The following ADARB2 variants were observed in gnomAD, a reference collection of about 807,000 sequenced individuals.
ADARB2 encodes the protein inactive double-stranded RNA-specific editase B2.
ADARB2 carries 25 observed loss-of-function variants against 62.2 expected under a neutral mutation model. The observed-to-expected ratio is 0.40, with a 90% confidence interval of 0.29 to 0.56. The LOEUF (loss-of-function observed/expected upper bound fraction) is 0.56. Among genes scored for constraint, ADARB2 ranks in the 20% least tolerant of loss-of-function variants. The probability of loss-of-function intolerance (pLI) is 0.43; values close to 1 mark genes in which losing one functional copy is unlikely to be tolerated. For missense variants in ADARB2, 1,071 were observed against 1,077.4 expected (o/e 0.99, Z 0.08); for synonymous variants, 572 against 500.8 (o/e 1.14, Z -1.90).
At position 1,398,875 on chromosome 10, in the gene ADARB2, G is replaced by A. The variant is rs902167061; in HGVS notation, c.101-19715C>T. 3.9e-5 allele frequency among the ~76,000 whole-genome samples: 6 copies of A among 152,122 alleles called. No individual in the cohort carries two copies. Among genetic ancestry groups the A allele is most frequent in the Admixed American group, 6.5e-5 (1 of 15,276 alleles). ...ACGAGGTTGCTGGGGGAAACAGACC[G>A]CTCTGTCTTTGGGGTCTTGATGGGT... On this transcript the variant is annotated intron_variant, in intron 1 of 9. Coordinates refer to ENST00000381312, the MANE Select transcript of ADARB2 (RefSeq NM_018702.4). This position sits in a 1 kb window ranked among gnomAD's most constrained non-coding sequence, Gnocchi z 4.1.
intron 1 of ADARB2, among the ~76,000 whole-genome samples, chr10:1,640,185 A>T (rs1449284460): frequency 6.6e-6 from 1 of 152,216 alleles, no homozygotes; most frequent in Admixed American, 6.5e-5. Context: ...AGTTTGTTAG[A>T]GATTGTACCG....
chr10:1,194,042 T>TA (rs1454424117), intron 8 of ADARB2, among the ~76,000 whole-genome samples: 2 of 152,266 alleles, frequency 1.3e-5, no homozygotes, highest in Admixed American at 6.5e-5. Context: ...CTGGAACTCT[T>TA]ATTACATGCA....
intron 1 of ADARB2, among the ~76,000 whole-genome samples, chr10:1,578,352 GTTAA>G (rs1406862740): frequency 1.3e-5 from 2 of 152,154 alleles, no homozygotes; most frequent in African/African-American, 4.8e-5. Flanking sequence ...ATGAGTTCAT[GTTAA>G]TTGTGACATT....
At chr10:1,491,529 T>G (rs898235782) in intron 1 of ADARB2, among the ~76,000 whole-genome samples, 5 of 152,214 alleles carry the variant, frequency 3.3e-5, no homozygotes, top group African/African-American at 1.2e-4. Flanking sequence ...TCTAGAGTCA[T>G]CCTGCCTGAC....
chr10:1,199,235 C>T (rs1472569526), intron 8 of ADARB2, among the ~76,000 whole-genome samples: 5 of 150,440 alleles, frequency 3.3e-5, no homozygotes, highest in Non-Finnish European at 1.5e-5. Context: ...TCCCGCTGTT[C>T]CTGTGAAAGG....
chr10:1,479,460 T>C (rs1427149185), intron 1 of ADARB2, among the ~76,000 whole-genome samples: 1 of 152,168 alleles, frequency 6.6e-6, no homozygotes, highest in East Asian at 1.9e-4. Flanking sequence ...GATGGAGTTT[T>C]GGTAGAGCAG....
At chr10:1,561,075 A>C (rs1287695244) in intron 1 of ADARB2, among the ~76,000 whole-genome samples, 2 of 152,270 alleles carry the variant, frequency 1.3e-5, no homozygotes, top group Non-Finnish European at 2.9e-5. Context: ...AGTAAAAAAC[A>C]CAAGTGAAAC....
At chr10:1,602,233 C>A (rs147659057) in intron 1 of ADARB2, among the ~76,000 whole-genome samples, 3 of 152,196 alleles carry the variant, frequency 2.0e-5, no homozygotes, top group Non-Finnish European at 4.4e-5. Context: ...ATGCACACCA[C>A]GGGTGGTCAG....
At chr10:1,547,388 G>C (rs1312122503) in intron 1 of ADARB2, among the ~76,000 whole-genome samples, 12 of 116,058 alleles carry the variant, frequency 1.0e-4, no homozygotes, top group African/African-American at 3.8e-4. Flanking sequence ...GTACTGTGTT[G>C]GGGGGAGAGG....
At chr10:1,560,828 T>C (rs1043938044) in intron 1 of ADARB2, among the ~76,000 whole-genome samples, 3 of 152,208 alleles carry the variant, frequency 2.0e-5, no homozygotes, top group African/African-American at 7.2e-5. Context: ...GCAGGGAGTT[T>C]GAAGACCTGC....
chr10:1,259,223 C>T (rs191941124), intron 4 of ADARB2, among the ~76,000 whole-genome samples: 1 of 152,314 alleles, frequency 6.6e-6, no homozygotes, highest in East Asian at 1.9e-4. Context: ...GGCACCCTAA[C>T]ATCACAGTGA....
intron 4 of ADARB2, among the ~76,000 whole-genome samples, chr10:1,264,996 G>C: frequency 6.6e-6 from 1 of 152,256 alleles, no homozygotes; most frequent in East Asian, 1.9e-4. Flanking sequence ...CTTTTTTCTA[G>C]TTATTAATAA....
intron 9 of ADARB2, among the ~76,000 whole-genome samples, chr10:1,183,816 T>A (rs1004604409): frequency 3.3e-5 from 5 of 151,922 alleles, no homozygotes; most frequent in Admixed American, 3.3e-4. Flanking sequence ...AAGACAGGGA[T>A]CAAATGCAGC....
chr10:1,668,785 AT>A (rs1333464289), intron 1 of ADARB2, among the ~76,000 whole-genome samples: 1 of 152,246 alleles, frequency 6.6e-6, no homozygotes, highest in Non-Finnish European at 1.5e-5. Context: ...GGAGAAGGGC[AT>A]TCTAATCTGT....
chr10:1,277,886 C>T (rs1272490323), intron 3 of ADARB2, among the ~76,000 whole-genome samples: 1 of 152,202 alleles, frequency 6.6e-6, no homozygotes. Flanking sequence ...TCCACCAGCA[C>T]ATCAAGAAGC....
rs1831906380 is a variant in ADARB2, at chr10:1,510,096, T to TCTTCTTTCTTTCTCTC, written c.101-130937_101-130936insGAGAGAAAGAAAGAAG. ...TTCTTTCTCTTTCTCTCTCTCTCTC[T>TCTTCTTTCTTTCTCTC]TTTCTTTCTTTCTCTCTTTCTTTCT... On this transcript the variant is annotated intron_variant, in intron 1 of 9. Coordinates refer to ENST00000381312, the MANE Select transcript of ADARB2 (RefSeq NM_018702.4). Among the ~76,000 whole-genome samples, 6 of 124,830 alleles carry TCTTCTTTCTTTCTCTC rather than the reference T, an allele frequency of 4.8e-5. No individual in the cohort carries two copies. In the East Asian group the frequency reaches 1.4e-3, roughly 29 times the overall value. 81.9% of individuals were successfully genotyped at this position (124,830 alleles called of 152,430 possible).
chr10:1,202,987 C>T (rs945641674), intron 7 of ADARB2, among the ~76,000 whole-genome samples: 7 of 152,174 alleles, frequency 4.6e-5, no homozygotes, highest in Non-Finnish European at 1.0e-4. Flanking sequence ...TCAACCTTCT[C>T]TTTGCCTGGC....
At chr10:1,696,267 CCT>C (rs1564197525) in intron 1 of ADARB2, among the ~76,000 whole-genome samples, 3 of 151,790 alleles carry the variant, frequency 2.0e-5, no homozygotes, top group Non-Finnish European at 2.9e-5. Context: ...TGTGTATGTG[CCT>C]GTTTGTGTGT....
chr10:1,497,274 G>A (rs1831705464), intron 1 of ADARB2, among the ~76,000 whole-genome samples: 1 of 152,224 alleles, frequency 6.6e-6, no homozygotes. Context: ...AACTGATGGA[G>A]TCTGAGTATG....
Sources: allele counts gnomAD v4.1 joint callset (sites outside exome capture counted in the v4.1 genomes callset), GRCh38; gene constraint gnomAD v4.1.1; non-coding constraint Gnocchi (gnomAD v3.1); transcripts MANE v1.5; gene names NCBI Gene and HGNC (gene_info 2026-07-23, HGNC 2026-07-21).